The following ILRUN variants were observed in gnomAD, a reference collection of about 807,000 sequenced individuals.
ILRUN encodes protein ILRUN.
In ILRUN, 3 loss-of-function variants were observed where a neutral mutation model predicts 33.8. The observed-to-expected ratio is 0.09, with a 90% CI of 0.04 to 0.23. The LOEUF (loss-of-function observed/expected upper bound fraction) is 0.23. ILRUN is among the 10% of genes least tolerant of loss of function. The pLI is 1.00. For synonymous variants in ILRUN, 124 were observed against 138.9 expected (o/e 0.89, Z 0.75); for missense variants, 210 against 375.1 (o/e 0.56, Z 3.64).
At chr6:34,628,758 G>A (rs560018296) in intron 3 of ILRUN, among the ~76,000 whole-genome samples, 22 of 152,158 alleles carry the variant, frequency 1.4e-4, no homozygotes, top group African/African-American at 2.2e-4. Context: ...TTAGGGTAAC[G>A]TTGGCCTCAC....
chr6:34,606,175 A>G (rs186358554), intron 4 of ILRUN, among the ~76,000 whole-genome samples: 4 of 152,344 alleles, frequency 2.6e-5, no homozygotes, highest in Non-Finnish European at 5.9e-5. Flanking sequence ...AAGGACTGAA[A>G]AGACATCAAC....
At chr6:34,655,813 G>A (rs554512256) in intron 1 of ILRUN, among the ~76,000 whole-genome samples, 21 of 152,010 alleles carry the variant, frequency 1.4e-4, no homozygotes, top group African/African-American at 3.9e-4. Flanking sequence ...ATAAGAGTAC[G>A]CCTATTTTCC....
chr6:34,640,051 C>T (rs894089671), intron 3 of ILRUN, among the ~76,000 whole-genome samples: 1 of 151,214 alleles, frequency 6.6e-6, no homozygotes, highest in African/African-American at 2.4e-5. Context: ...GTATCAAAAT[C>T]GAGGAAAAAA....
intron 3 of ILRUN, among the ~76,000 whole-genome samples, chr6:34,613,966 T>C (rs1761813118): frequency 6.6e-6 from 1 of 152,150 alleles, no homozygotes; most frequent in Non-Finnish European, 1.5e-5. Flanking sequence ...TGAAACATCC[T>C]ATAGTAGCAG....
intron 2 of ILRUN, among the ~76,000 whole-genome samples, chr6:34,653,163 A>T (rs1035597838): frequency 2.7e-5 from 4 of 149,912 alleles, no homozygotes; most frequent in African/African-American, 9.9e-5. Context: ...AAAAAGAAAG[A>T]AAGAAAGAAA....
intron 1 of ILRUN, among the ~76,000 whole-genome samples, chr6:34,673,454 A>C (rs1371222078): frequency 2.0e-5 from 3 of 152,216 alleles, no homozygotes; most frequent in Non-Finnish European, 4.4e-5. Context: ...AGACTGAACA[A>C]ACCAAAAATC....
At chr6:34,638,154 C>T (rs1427543955) in intron 3 of ILRUN, among the ~76,000 whole-genome samples, 1 of 151,896 alleles carries the variant, frequency 6.6e-6, no homozygotes, top group Non-Finnish European at 1.5e-5. Context: ...TCCCAAAGTG[C>T]TGGGACTACA....
intron 3 of ILRUN, among the ~76,000 whole-genome samples, chr6:34,643,290 G>A (rs1221927688): frequency 1.3e-5 from 2 of 148,154 alleles, no homozygotes; most frequent in Non-Finnish European, 3.0e-5. Flanking sequence ...CAAGAGCAAG[G>A]ACCCATCTCA....
At chr6:34,601,545 CA>C (rs989006404) in intron 4 of ILRUN, among the ~76,000 whole-genome samples, 2 of 152,166 alleles carry the variant, frequency 1.3e-5, no homozygotes, top group African/African-American at 4.8e-5. Flanking sequence ...ACTGCCTGGG[CA>C]AATGTTGGTC....
chr6:34,612,503 T>C (rs988123449), intron 3 of ILRUN, among the ~76,000 whole-genome samples: 1 of 152,216 alleles, frequency 6.6e-6, no homozygotes, highest in Non-Finnish European at 1.5e-5. Flanking sequence ...AACTTGTCCC[T>C]TTACAGATGA....
chr6:34,663,088 T>A (rs938768078), intron 1 of ILRUN, among the ~76,000 whole-genome samples: 13 of 151,624 alleles, frequency 8.6e-5, no homozygotes, highest in Admixed American at 3.3e-4. Context: ...AGTGAGATCC[T>A]GTCTCAAAAA....
intron 1 of ILRUN, among the ~76,000 whole-genome samples, chr6:34,689,881 T>C (rs1562036454): frequency 6.6e-6 from 1 of 151,936 alleles, no homozygotes. Flanking sequence ...CCATGGTGGA[T>C]GCAAGTAGAA....
At chr6:34,690,708 A>C (rs1763630085) in intron 1 of ILRUN, among the ~76,000 whole-genome samples, 1 of 152,206 alleles carries the variant, frequency 6.6e-6, no homozygotes, top group Non-Finnish European at 1.5e-5. Flanking sequence ...GCCTCTTAAC[A>C]GAGTGTTTAT....
intron 3 of ILRUN, among the ~76,000 whole-genome samples, chr6:34,642,739 A>AACACTTT (rs1480157744): frequency 6.6e-6 from 1 of 150,710 alleles, no homozygotes; most frequent in Non-Finnish European, 1.5e-5. Context: ...CTGTAATCCC[A>AACACTTT]ACACTTTAGG....
At chr6:34,688,795 A>G (rs563012295) in intron 1 of ILRUN, among the ~76,000 whole-genome samples, 107 of 134,032 alleles carry the variant, frequency 8.0e-4, no homozygotes, top group African/African-American at 2.6e-3. Flanking sequence ...CCTGGGCGAC[A>G]ACAACAACAA....
chr6:34,665,354 C>T (rs992645957), intron 1 of ILRUN, among the ~76,000 whole-genome samples: 11 of 150,828 alleles, frequency 7.3e-5, no homozygotes, highest in Non-Finnish European at 1.5e-4. Context: ...GTCCCAGCTA[C>T]TCGGAAGGCC....
rs375497616 is a variant in ILRUN, at chr6:34,588,555, G to A, written c.*2010C>T. 3.4e-5 allele frequency: 8 copies of A among 235,744 alleles called. No individual in the cohort carries two copies. Among genetic ancestry groups the A allele is most frequent in the African/African-American group, 1.6e-4 (7 of 44,738 alleles). 14.6% of individuals were successfully genotyped at this position (235,744 alleles called of 1,614,324 possible). On this transcript the variant is annotated 3_prime_UTR_variant, in exon 5 of 5. Coordinates refer to ENST00000374023, the MANE Select transcript of ILRUN (RefSeq NM_024294.4). ...CCAGCAGCAGCAGTCTGGGCCTAAT[G>A]AGGCCCTCAGACAAAAAGCCATCCT...
intron 4 of ILRUN, among the ~76,000 whole-genome samples, chr6:34,603,199 CCCTCCT>C (rs1761552029): frequency 6.6e-6 from 1 of 152,154 alleles, no homozygotes; most frequent in Admixed American, 6.5e-5. Context: ...CCTTAGGCAC[CCCTCCT>C]CCCTAGCCAA....
chr6:34,654,160 G>A (rs533371851), intron 2 of ILRUN, among the ~76,000 whole-genome samples: 1 of 143,704 alleles, frequency 7.0e-6, no homozygotes, highest in African/African-American at 2.8e-5. Context: ...TCATCCTTGT[G>A]GTTGCAAAAA....
Sources: allele counts gnomAD v4.1 joint callset (sites outside exome capture counted in the v4.1 genomes callset), GRCh38; gene constraint gnomAD v4.1.1; transcripts MANE v1.5; gene names NCBI Gene and HGNC (gene_info 2026-07-23, HGNC 2026-07-21).